The following SMARCE1 variants were observed in gnomAD, a reference collection of about 807,000 sequenced individuals.
The protein encoded by SMARCE1 is SWI/SNF-related matrix-associated actin-dependent regulator of chromatin subfamily E member 1.
In SMARCE1, 13 loss-of-function variants were observed where a neutral mutation model predicts 54.9. That is an observed-to-expected ratio of 0.24 (90% CI 0.15 to 0.38). SMARCE1 has a LOEUF of 0.38. Ranked by LOEUF, SMARCE1 falls within the 10% of genes least tolerant of loss-of-function variation. The probability of loss-of-function intolerance (pLI) is 1.00; values close to 1 mark genes in which losing one functional copy is unlikely to be tolerated. For missense variants in SMARCE1, 295 were observed against 523.8 expected, an observed-to-expected ratio of 0.56 and a Z score of 4.26; for synonymous variants, 151 against 175.3, an observed-to-expected ratio of 0.86 and a Z score of 1.10.
In SMARCE1 at chr17:40,627,120, T is replaced by C. The variant is rs963660628; in HGVS notation, c.*1665A>G. Reference sequence around the variant, plus strand: ...AAGAGGCTGTCCAATTTGTCTGAGATGAGATGGCTGAAGTTCTTAGCCAAA... The same window carrying C: ...AAGAGGCTGTCCAATTTGTCTGAGACGAGATGGCTGAAGTTCTTAGCCAAA... On this transcript the variant is annotated 3_prime_UTR_variant, in exon 11 of 11. Coordinates refer to ENST00000348513, the MANE Select transcript of SMARCE1 (RefSeq NM_003079.5). 3 of 152,178 alleles carry C rather than the reference T, an allele frequency of 2.0e-5. No homozygotes were observed. Among genetic ancestry groups the C allele is most frequent in the African/African-American group, 7.2e-5 (3 of 41,426 alleles). 9.4% of individuals were successfully genotyped at this position (152,178 alleles called of 1,614,324 possible).
At chr17:40,643,486 T>C (rs2037219026) in intron 3 of SMARCE1, 1 of 152,188 alleles carries the variant, frequency 6.6e-6, no homozygotes, top group African/African-American at 2.4e-5. Flanking sequence ...GGCTCTTATA[T>C]AGCAGTAGCC....
chr17:40,639,901 A>G (rs746555952), intron 4 of SMARCE1: 2 of 152,188 alleles, frequency 1.3e-5, no homozygotes, highest in African/African-American at 4.8e-5. Flanking sequence ...GACTCTTTCA[A>G]CGGCCTAGGG....
At chr17:40,629,461 T>G in intron 10 of SMARCE1, 107 of 979,112 alleles carry the variant, frequency 1.1e-4, no homozygotes, top group Non-Finnish European at 1.3e-4. Flanking sequence ...GGACAGTGAA[T>G]GAGAGTTAGT....
At position 40,632,031 on chromosome 17, in the gene SMARCE1, T is replaced by C. The variant is rs1009490092; in HGVS notation, c.714+164A>G. 1.0e-5 allele frequency: 6 copies of C among 587,842 alleles called. No individual in the cohort carries two copies. In the Admixed American group the frequency reaches 2.0e-4, roughly 19 times the overall value. The allele number at this position is 587,842 out of a possible 1,614,324, so 36.4% of individuals were successfully genotyped here. Reference sequence around the variant, plus strand: ...ATTATAGTTTTTAATGACAAACTTATTAAACATCTGGGAAAGGTCCACTTC... The same window carrying C: ...ATTATAGTTTTTAATGACAAACTTACTAAACATCTGGGAAAGGTCCACTTC... On this transcript the variant is annotated intron_variant, in intron 8 of 10. Transcript: ENST00000348513.
chr17:40,638,408 G>A (rs781301607), intron 4 of SMARCE1, among the ~76,000 whole-genome samples: 7 of 152,034 alleles, frequency 4.6e-5, no homozygotes, highest in Non-Finnish European at 8.8e-5. Flanking sequence ...CAGAAGAAAA[G>A]GAGGCGGAGG....
chr17:40,641,752 A>G (rs2037201897), intron 4 of SMARCE1: 1 of 152,144 alleles, frequency 6.6e-6, no homozygotes, highest in African/African-American at 2.4e-5. Flanking sequence ...TTTGAAGTGT[A>G]TCATCCAATT....
intron 4 of SMARCE1, among the ~76,000 whole-genome samples, chr17:40,640,411 T>A (rs2037186589): frequency 6.6e-6 from 1 of 152,176 alleles, no homozygotes. Flanking sequence ...CCAAGTATAC[T>A]GGAGTCATCA....
At chr17:40,637,348 C>CT in intron 5 of SMARCE1, 144 bp downstream of exon 5, 1 of 704,232 alleles carries the variant, frequency 1.4e-6, no homozygotes, top group Admixed American at 2.1e-5. Context: ...GAAATCAGAA[C>CT]TAATTGCTTT....
chr17:40,628,556 A>G lies in SMARCE1; in HGVS notation c.*229T>C. ...AATTAATCTAAATTCTGAGGCTTTC[A>G]GCAGTTGAGGGCTAGAAACAAGATC... On this transcript the variant is annotated 3_prime_UTR_variant, in exon 11 of 11. Transcript: ENST00000348513. 2.1e-6 allele frequency: 1 copy of G among 481,678 alleles called. No individual in the cohort carries two copies. Among genetic ancestry groups the G allele is most frequent in the Non-Finnish European group, 3.7e-6 (1 of 267,306 alleles). The allele number at this position is 481,678 out of a possible 1,614,324, so 29.8% of individuals were successfully genotyped here. A position where few individuals can be genotyped will look rare whatever the true frequency, so the allele number is the denominator to read the frequency against.
intron 4 of SMARCE1, among the ~76,000 whole-genome samples, chr17:40,638,419 G>A (rs1450495224): frequency 6.6e-6 from 1 of 151,968 alleles, no homozygotes; most frequent in Non-Finnish European, 1.5e-5. Context: ...GAGGCGGAGG[G>A]AAGACTGAAA....
Position 40,627,661 on chromosome 17 carries a change from G to A in SMARCE1, c.*1124C>T, listed in dbSNP as rs2143978407. 6.5e-6 allele frequency: 1 copy of A among 152,684 alleles called. No homozygotes were observed. The highest frequency in any genetic ancestry group is 2.1e-4 in the South Asian group (1 of 4,820). The allele number at this position is 152,684 out of a possible 1,614,324, so 9.5% of individuals were successfully genotyped here. A position where few individuals can be genotyped will look rare whatever the true frequency, so the allele number is the denominator to read the frequency against. On this transcript the variant is annotated 3_prime_UTR_variant, in exon 11 of 11. Transcript: ENST00000348513. Reference sequence around the variant, plus strand: ...GTCACTGCATTACAGAAAAAAACTGGATGCTTGTCTTGCATACAAATATGT... The same window carrying A: ...GTCACTGCATTACAGAAAAAAACTGAATGCTTGTCTTGCATACAAATATGT...
intron 10 of SMARCE1, 174 bp from the exon 11 acceptor site, chr17:40,629,167 T>C (rs2037066145): frequency 1.8e-6 from 1 of 570,416 alleles, no homozygotes. Context: ...ACAATTTGGG[T>C]ATGAAAATCT....
chr17:40,635,968 T>C lies in SMARCE1; in HGVS notation c.504A>G (p.Glu168=). 6.2e-7 allele frequency: 1 copy of C among 1,612,384 alleles called. No homozygotes were observed. The highest frequency in any genetic ancestry group is 8.5e-7 in the Non-Finnish European group (1 of 1,179,444). Residue 168 remains glutamate (E), a synonymous_variant, in exon 7 of 11, where the codon GAA becomes GAG. Transcript: ENST00000348513. ...CAGCAGGCTGAATGCTCATGTACGG[T>C]TCTCCTTTCTCCATGCGAGATTGTC... The part of the protein sequence containing the change: ...RQRQSRMEKG[E]PYMSIQPAED...
rs1481203988 is a variant in SMARCE1, at chr17:40,642,954, G to C, written c.52-395C>G. 1 of 162,428 alleles carries C rather than the reference G, an allele frequency of 6.2e-6. No individual in the cohort carries two copies. The highest frequency in any genetic ancestry group is 1.8e-4 in the East Asian group (1 of 5,610). 10.1% of individuals were successfully genotyped at this position (162,428 alleles called of 1,614,324 possible). A position where few individuals can be genotyped will look rare whatever the true frequency, so the allele number is the denominator to read the frequency against. ...GGAAGGCTTGAAGTGTGATCAACTA[G>C]AACTCTGAAAACACTACATGCAAAA... On this transcript the variant is annotated intron_variant, in intron 3 of 10. Transcript: ENST00000348513. This position sits in a 1 kb window ranked among gnomAD's most constrained non-coding sequence, Gnocchi z 4.6.
chr17:40,630,234 A>G (rs1358261979), intron 10 of SMARCE1: 2 of 1,534,860 alleles, frequency 1.3e-6, no homozygotes, highest in Non-Finnish European at 1.8e-6. Flanking sequence ...AATCAGGAAA[A>G]TCAGTATACC....
chr17:40,632,440 T>A, intron 7 of SMARCE1, 73 bp from the exon 8 acceptor site: 1 of 1,335,038 alleles, frequency 7.5e-7, no homozygotes, highest in Non-Finnish European at 1.1e-6. Flanking sequence ...TGTTAACACT[T>A]AATTACCAAC....
chr17:40,630,939 A>G lies in SMARCE1; in HGVS notation c.817-15T>C. ...AGACCGCACAACTAATCAGAAAAAA[A>G]CAGAACTCCGTAATGTTTTTTCCTT... is the stretch of plus-strand genomic sequence containing the variant. On this transcript the variant is annotated splice_polypyrimidine_tract_variant and intron_variant, in intron 9 of 10. Transcript: ENST00000348513. 6.2e-7 allele frequency: 1 copy of G among 1,600,972 alleles called. No homozygotes were observed. Among genetic ancestry groups the G allele is most frequent in the African/African-American group, 1.3e-5 (1 of 74,802 alleles).
Position 40,642,303 on chromosome 17 carries a change from G to A in SMARCE1, c.156+152C>T. The A allele has an allele frequency of 1.4e-6, 1 of 694,564 alleles. No individual in the cohort carries two copies. 43.0% of individuals were successfully genotyped at this position (694,564 alleles called of 1,614,324 possible). A position where few individuals can be genotyped will look rare whatever the true frequency, so the allele number is the denominator to read the frequency against. On this transcript the variant is annotated intron_variant, in intron 4 of 10. Transcript: ENST00000348513. The surrounding 1 kb of genome is among the most constrained non-coding windows in gnomAD (Gnocchi z 4.6). ...CTCACTATTTATTTTTTCAGTGTGAGATGCTACAACGAATGTTGAAAATAC... is the reference window on the plus strand; with the variant it reads ...CTCACTATTTATTTTTTCAGTGTGAAATGCTACAACGAATGTTGAAAATAC...
At chr17:40,636,264 T>C in intron 6 of SMARCE1, 131 bp downstream of exon 6, 1 of 1,183,342 alleles carries the variant, frequency 8.5e-7, no homozygotes, top group Non-Finnish European at 1.2e-6. Flanking sequence ...AGAAACTGAC[T>C]TGACTCAGGT....
Sources: allele counts gnomAD v4.1 joint callset (sites outside exome capture counted in the v4.1 genomes callset), GRCh38; gene constraint gnomAD v4.1.1; non-coding constraint Gnocchi (gnomAD v3.1); transcripts MANE v1.5; gene names NCBI Gene and HGNC (gene_info 2026-07-23, HGNC 2026-07-21).